Variants in GRK3 observed in about 807,000 individuals in gnomAD.
GRK3 encodes the protein G protein-coupled receptor kinase 3.
Under a neutral mutation model 95.7 loss-of-function variants are expected in GRK3, and 54 were observed. The observed-to-expected ratio is 0.56, with a 90% CI of 0.45 to 0.71. GRK3 has a LOEUF of 0.71. Among genes scored for constraint, GRK3 ranks in the 30% least tolerant of loss-of-function variants. The pLI, the probability that GRK3 is intolerant of heterozygous loss-of-function variation, is 0.00. For missense variants in GRK3, 649 were observed against 851.2 expected, an observed-to-expected ratio of 0.76 and a Z score of 2.96; for synonymous variants, 281 against 290.8, an observed-to-expected ratio of 0.97 and a Z score of 0.34.
chr22:25,625,950 A>G (rs1434913854), intron 2 of GRK3, among the ~76,000 whole-genome samples: 1 of 152,068 alleles, frequency 6.6e-6, no homozygotes, highest in Non-Finnish European at 1.5e-5. Flanking sequence ...TTTGCTTTGT[A>G]TCCAATAAAT....
rs143640367 is a variant in GRK3, at chr22:25,567,844, T to G, written c.113+2691T>G. 1.4e-3 allele frequency among the ~76,000 whole-genome samples: 220 copies of G among 152,344 alleles called. 1 individual carries two copies. Among genetic ancestry groups the G allele is most frequent in the African/African-American group, 5.1e-3 (210 of 41,582 alleles). ...CATCAGAACGAAATATCTAGCTAAT[T>G]TAAATGAAACACTGGGTTTGCAGCT... is the stretch of plus-strand genomic sequence containing the variant. On this transcript the variant is annotated intron_variant, in intron 1 of 20. Transcript: ENST00000324198.
intron 1 of GRK3, among the ~76,000 whole-genome samples, chr22:25,587,455 G>T (rs1932353385): frequency 6.6e-6 from 1 of 152,078 alleles, no homozygotes; most frequent in Non-Finnish European, 1.5e-5. Flanking sequence ...TTGAGGCAGA[G>T]TCTTGCTCTG....
intron 3 of GRK3, among the ~76,000 whole-genome samples, chr22:25,647,019 TCAAAAAAAA>T (rs2084788700): frequency 2.4e-5 from 1 of 42,120 alleles, no homozygotes; most frequent in Non-Finnish European, 3.7e-5. Context: ...AGACTTTGTC[TCAAAAAAAA>T]AAAAAAAAAA....
intron 1 of GRK3, among the ~76,000 whole-genome samples, chr22:25,585,154 C>G (rs549944749): frequency 1.3e-5 from 2 of 152,298 alleles, no homozygotes; most frequent in Non-Finnish European, 2.9e-5. Context: ...AGGGCCTTCA[C>G]CTCTCGGCCA....
chr22:25,593,149 T>C (rs1263628182), intron 1 of GRK3, among the ~76,000 whole-genome samples: 1 of 150,054 alleles, frequency 6.7e-6, no homozygotes. Flanking sequence ...TTTTTTTTTT[T>C]CTTTTGGTAG....
At chr22:25,578,080 G>A (rs1353927840) in intron 1 of GRK3, among the ~76,000 whole-genome samples, 3 of 152,090 alleles carry the variant, frequency 2.0e-5, no homozygotes, top group Admixed American at 1.3e-4. Flanking sequence ...TACAAGATAA[G>A]AGTTAAATAA....
intron 19 of GRK3, among the ~76,000 whole-genome samples, chr22:25,719,091 A>G (rs1328837277): frequency 1.3e-5 from 2 of 152,118 alleles, no homozygotes; most frequent in Admixed American, 1.3e-4. Context: ...TGGGCAGATT[A>G]TACATTTATT....
intron 2 of GRK3, among the ~76,000 whole-genome samples, chr22:25,606,321 A>T (rs1282366731): frequency 2.0e-5 from 3 of 152,250 alleles, no homozygotes; most frequent in African/African-American, 7.2e-5. Context: ...CACAGGAAAG[A>T]AGAGCAGCTG....
intron 18 of GRK3, 115 bp from the exon 19 acceptor site, chr22:25,718,130 T>C: frequency 8.3e-7 from 1 of 1,204,258 alleles, no homozygotes; most frequent in South Asian, 1.5e-5. Context: ...ATGCGTTCTA[T>C]TTATAGAAAC....
chr22:25,630,223 C>G (rs2084655117), intron 2 of GRK3, among the ~76,000 whole-genome samples: 1 of 152,132 alleles, frequency 6.6e-6, no homozygotes. Flanking sequence ...TTACAACCTC[C>G]CCACCCCCAC....
At chr22:25,713,233 G>A (rs116274389) in intron 17 of GRK3, among the ~76,000 whole-genome samples, 13 of 152,010 alleles carry the variant, frequency 8.6e-5, no homozygotes, top group Admixed American at 3.9e-4. Flanking sequence ...ATCGGACCTT[G>A]AGGTTTTCAA....
chr22:25,581,076 C>T (rs1367528863), intron 1 of GRK3: 1 of 152,002 alleles, frequency 6.6e-6, no homozygotes, highest in Non-Finnish European at 1.5e-5. Context: ...GATTGCACTC[C>T]TGCACTCTAA....
chr22:25,704,175 GA>G lies in GRK3; in HGVS notation c.1295del (p.Asp432AlafsTer16). The G allele has an allele frequency of 1.2e-6, 2 of 1,613,688 alleles. No individual in the cohort carries two copies. The highest frequency in any genetic ancestry group is 1.7e-6 in the Non-Finnish European group (2 of 1,179,734). The stretch of plus-strand genomic sequence containing the variant: ...CCTTTTGGAGGGCTTGCTTCAGCGA[GA>G]CGTTAGCAAGCGGCTGGGCTGTCAC... ...KSLLEGLLQR[D>X]VSKRLGCHGG... On this transcript the variant is annotated frameshift_variant, in exon 15 of 21. Transcript: ENST00000324198. LOFTEE classifies it high-confidence loss of function.
chr22:25,673,414 G>T (rs546660065), intron 7 of GRK3, among the ~76,000 whole-genome samples: 2 of 151,354 alleles, frequency 1.3e-5, no homozygotes, highest in East Asian at 3.9e-4. Context: ...GCCAAGAAAT[G>T]ATCTATTTTT....
rs1176725899 is a variant in GRK3, at chr22:25,726,189, C to G, written c.*3739C>G. ...AGGGATTTAACTAGATTAAAAAGAT[C>G]AAAGTGTGGTTTTTCTCTGCTTTTT... On this transcript the variant is annotated 3_prime_UTR_variant, in exon 21 of 21. Transcript: ENST00000324198. 1 of 152,150 alleles carries G rather than the reference C, an allele frequency of 6.6e-6. No individual in the cohort carries two copies. The highest frequency in any genetic ancestry group is 1.9e-4 in the East Asian group (1 of 5,196). 9.4% of individuals were successfully genotyped at this position (152,150 alleles called of 1,614,324 possible).
intron 14 of GRK3, 118 bp from the exon 15 acceptor site, chr22:25,703,991 T>G (rs1181970064): frequency 2.9e-6 from 2 of 694,968 alleles, no homozygotes; most frequent in African/African-American, 3.6e-5. Flanking sequence ...TATTAATTCA[T>G]AATGAGGCTG....
intron 20 of GRK3, 82 bp from the exon 21 acceptor site, chr22:25,722,207 G>A (rs1215112823): frequency 4.0e-5 from 61 of 1,515,296 alleles, no homozygotes; most frequent in Admixed American, 8.7e-5. Flanking sequence ...TTCCAGGGAC[G>A]CTGGTAATCA....
intron 2 of GRK3, among the ~76,000 whole-genome samples, chr22:25,632,545 G>T (rs751681999): frequency 3.9e-5 from 6 of 152,120 alleles, no homozygotes; most frequent in Non-Finnish European, 8.8e-5. Context: ...AATTGAATTT[G>T]CCAGTTTTCA....
intron 2 of GRK3, among the ~76,000 whole-genome samples, chr22:25,610,600 C>T (rs2084489194): frequency 6.6e-6 from 1 of 152,212 alleles, no homozygotes; most frequent in African/African-American, 2.4e-5. Flanking sequence ...TTCCATGCCT[C>T]CAAAAGATCC....
Sources: gnomAD v4.1 joint callset for allele counts (sites outside exome capture counted in the v4.1 genomes callset) on GRCh38, gnomAD v4.1.1 for gene constraint, MANE v1.5 for transcripts, NCBI Gene and HGNC (gene_info 2026-07-23, HGNC 2026-07-21) for gene names.